The following ZNF782 variants were observed in gnomAD, a reference collection of about 807,000 sequenced individuals.
ZNF782 encodes the protein zinc finger protein 782.
A neutral mutation model predicts 13.0 loss-of-function variants in ZNF782; 12 were observed. That is an observed-to-expected ratio of 0.92 (90% confidence interval 0.59 to 1.50). ZNF782 has a LOEUF of 1.50. ZNF782 is among the 40% of genes most tolerant of loss of function. The pLI is 0.00. For synonymous variants in ZNF782, 284 were observed against 283.0 expected (o/e 1.00, Z -0.04); for missense variants, 770 against 822.9 (o/e 0.94, Z 0.79).
At chr9:96,869,748 C>A (rs973365203) in intron 1 of ZNF782, among the ~76,000 whole-genome samples, 24 of 152,116 alleles carry the variant, frequency 1.6e-4, no homozygotes, top group African/African-American at 5.6e-4. Context: ...CATTTTCTAC[C>A]ATAATTAATG....
At chr9:96,876,526 C>T (rs1851893837), upstream of ZNF782, among the ~76,000 whole-genome samples, 1 of 152,098 alleles carries the variant, frequency 6.6e-6, no homozygotes, top group South Asian at 2.1e-4. Context: ...TCAAAGCAGC[C>T]CCTAGACGTT....
intron 2 of ZNF782, among the ~76,000 whole-genome samples, chr9:96,860,798 G>A (rs1033688391): frequency 6.6e-6 from 1 of 152,310 alleles, no homozygotes. Flanking sequence ...CATCTGCAGT[G>A]AACTCATTTT....
rs368955456 is a variant in ZNF782, at chr9:96,863,970, C to A, written c.-456-2367G>T. Among the ~76,000 whole-genome samples the A allele has an allele frequency of 2.3e-3, 343 of 151,896 alleles. 3 individuals are homozygous for A. Among genetic ancestry groups the A allele is most frequent in the African/African-American group, 7.8e-3 (323 of 41,414 alleles). On this transcript the variant is annotated intron_variant, in intron 1 of 5. Coordinates refer to the ZNF782 transcript ENST00000498811. ...CCTAAATCATCCCTAAACAACTTATCCATGTAAGCAAAAACCACCTGTACC... is the reference window on the plus strand; with the variant it reads ...CCTAAATCATCCCTAAACAACTTATACATGTAAGCAAAAACCACCTGTACC...
chr9:96,891,443 T>C, the ZNF782 span: 1 of 152,230 alleles, frequency 6.6e-6, no homozygotes, highest in African/African-American at 2.4e-5. Flanking sequence ...TGTACATTCT[T>C]TGAATTTTGA....
At chr9:96,861,639 A>G (rs1392772590) in intron 1 of ZNF782, 1 of 154,200 alleles carries the variant, frequency 6.5e-6, no homozygotes, top group Non-Finnish European at 1.5e-5. Context: ...CACATGGGAA[A>G]TAGGTATATG....
intron 4 of ZNF782, among the ~76,000 whole-genome samples, chr9:96,829,606 T>C (rs976507035): frequency 6.6e-6 from 1 of 152,116 alleles, no homozygotes; most frequent in African/African-American, 2.4e-5. Flanking sequence ...AAGAATATTA[T>C]CAACCAACAT....
intron 1 of ZNF782, among the ~76,000 whole-genome samples, chr9:96,873,677 G>A (rs907080218): frequency 6.6e-6 from 1 of 152,234 alleles, no homozygotes; most frequent in African/African-American, 2.4e-5. Flanking sequence ...CACCCTGGGT[G>A]ACAGAGCGAG....
intron 1 of ZNF782, chr9:96,875,457 C>T (rs952694347): frequency 4.4e-6 from 2 of 456,520 alleles, no homozygotes; most frequent in Admixed American, 2.3e-5. Context: ...CCGCCCTCGC[C>T]CCCCGCTTAC....
At chr9:96,885,860 T>C in the ZNF782 span, among the ~76,000 whole-genome samples, 3 of 152,058 alleles carry the variant, frequency 2.0e-5, no homozygotes, top group African/African-American at 7.2e-5. Context: ...TTTCTTTTCT[T>C]AGACAGAGAC....
the ZNF782 span, chr9:96,919,125 AT>A: frequency 6.0e-6 from 1 of 165,362 alleles, no homozygotes; most frequent in Non-Finnish European, 1.4e-5. Flanking sequence ...TTTCCAAAAA[AT>A]CAAAATTGGA....
In ZNF782 at chr9:96,827,234, T is replaced by C. The variant is rs920582321; in HGVS notation, c.143-53A>G. 5 of 1,335,918 alleles carry C rather than the reference T, an allele frequency of 3.7e-6. No homozygotes were observed. The African/African-American group carries it at 7.3e-5, about 19-fold the overall frequency. The allele number at this position is 1,335,918 out of a possible 1,614,324, so 82.8% of individuals were successfully genotyped here. A position where few individuals can be genotyped will look rare whatever the true frequency, so the allele number is the denominator to read the frequency against. ...GCATTAGTTGCATAGGTTCTACTGT[T>C]TCTGAATGTGAAGAAGGTACAGCTT... is the stretch of plus-strand genomic sequence containing the variant. On this transcript the variant is annotated intron_variant, in intron 4 of 5. Coordinates refer to ENST00000481138, the MANE Select transcript of ZNF782 (RefSeq NM_001001662.3).
At chr9:96,906,023 G>T in the ZNF782 span, among the ~76,000 whole-genome samples, 2 of 152,226 alleles carry the variant, frequency 1.3e-5, no homozygotes, top group African/African-American at 4.8e-5. Context: ...AGAATATGGA[G>T]AAACTGAAAC....
the ZNF782 span, among the ~76,000 whole-genome samples, chr9:96,933,040 T>C: frequency 0.012 from 1,721 of 149,294 alleles, 112 homozygotes; most frequent in Admixed American, 0.1. Flanking sequence ...AGCAGTGGCG[T>C]GATCTCGGCT....
At chr9:96,932,032 G>T in the ZNF782 span, 1 of 1,609,944 alleles carries the variant, frequency 6.2e-7, no homozygotes, top group Admixed American at 1.7e-5. Flanking sequence ...CCCTCGTCTG[G>T]CAGGCTCCAG....
At chr9:96,906,229 A>G in the ZNF782 span, among the ~76,000 whole-genome samples, 9 of 151,768 alleles carry the variant, frequency 5.9e-5, no homozygotes, top group South Asian at 6.2e-4. Flanking sequence ...TGCTATACTC[A>G]CCAACACAGA....
chr9:96,928,333 G>GT, the ZNF782 span: 2 of 223,792 alleles, frequency 8.9e-6, no homozygotes, highest in Non-Finnish European at 1.8e-5. Flanking sequence ...GGGACGGGAA[G>GT]TAAGGCTGGC....
intron 4 of ZNF782, among the ~76,000 whole-genome samples, chr9:96,839,935 T>C (rs914659274): frequency 6.6e-6 from 1 of 152,216 alleles, no homozygotes; most frequent in African/African-American, 2.4e-5. Context: ...ATTTGGGTTG[T>C]TGATATTCTA....
chr9:96,864,921 C>G (rs1851739737), intron 1 of ZNF782, among the ~76,000 whole-genome samples: 1 of 151,122 alleles, frequency 6.6e-6, no homozygotes, highest in Admixed American at 6.6e-5. Flanking sequence ...TGACATGAGC[C>G]TGTAGTCCCA....
At chr9:96,866,442 A>G (rs1020350311) in intron 1 of ZNF782, among the ~76,000 whole-genome samples, 20 of 152,132 alleles carry the variant, frequency 1.3e-4, no homozygotes, top group Non-Finnish European at 1.5e-5. Flanking sequence ...GAAGTTTGGG[A>G]ACCTCCACCT....
Sources: allele counts gnomAD v4.1 joint callset (sites outside exome capture counted in the v4.1 genomes callset), GRCh38; gene constraint gnomAD v4.1.1; transcripts MANE v1.5; gene names NCBI Gene and HGNC (gene_info 2026-07-23, HGNC 2026-07-21).